Variants in HDAC9 observed in about 807,000 individuals in gnomAD.
HDAC9 encodes the protein MEF-2 interacting transcription repressor (MITR) protein.
A neutral mutation model predicts 139.4 loss-of-function variants in HDAC9; 41 were observed. That is an observed-to-expected ratio of 0.29 (90% CI 0.23 to 0.38). The LOEUF (loss-of-function observed/expected upper bound fraction) is 0.38, where lower values mean the gene tolerates loss of function less well. HDAC9 is among the 10% of genes least tolerant of loss of function. The pLI, the probability that HDAC9 is intolerant of heterozygous loss-of-function variation, is 1.00. For missense variants in HDAC9, 1,147 were observed against 1,297.0 expected, an observed-to-expected ratio of 0.88 and a Z score of 1.78; for synonymous variants, 517 against 476.2, an observed-to-expected ratio of 1.09 and a Z score of -1.12.
At chr7:18,458,198 C>G (rs780644837) in intron 1 of HDAC9, among the ~76,000 whole-genome samples, 2 of 152,082 alleles carry the variant, frequency 1.3e-5, no homozygotes, top group African/African-American at 2.4e-5. Flanking sequence ...GTAATTAAAT[C>G]GTGGATGGTT....
chr7:18,194,974 AT>A (rs1214154835), intron 2 of HDAC9, among the ~76,000 whole-genome samples: 9 of 151,704 alleles, frequency 5.9e-5, no homozygotes, highest in African/African-American at 1.9e-4. Flanking sequence ...TGTTCTTGGC[AT>A]TATAAGGAGG....
intron 1 of HDAC9, among the ~76,000 whole-genome samples, chr7:18,136,281 C>T (rs199741729): frequency 0.22 from 31,976 of 148,324 alleles, 3,503 homozygotes; most frequent in South Asian, 0.32. Context: ...GTAGTTTCTT[C>T]TGCTGTGCAG....
At chr7:18,280,234 T>C (rs113991015) in intron 2 of HDAC9, among the ~76,000 whole-genome samples, 3 of 152,244 alleles carry the variant, frequency 2.0e-5, no homozygotes, top group Non-Finnish European at 2.9e-5. Context: ...GAAGGATTGC[T>C]TGAGCTTAGG....
At chr7:18,861,468 G>A (rs758226517) in intron 21 of HDAC9, among the ~76,000 whole-genome samples, 6 of 152,106 alleles carry the variant, frequency 3.9e-5, no homozygotes, top group Admixed American at 6.5e-5. Flanking sequence ...CCCTATGCTT[G>A]CGTATAGGAT....
rs868333764 is a variant in HDAC9, at chr7:18,272,695, A to G, written c.25+110346A>G. ...AAATCAATGGAGAAATACTATTTTT[A>G]TGGATTGGATAAGTCAATGTTATAA... On this transcript the variant is annotated intron_variant, in intron 2 of 12. Transcript: ENST00000417496. Among the ~76,000 whole-genome samples the G allele has an allele frequency of 7.2e-5, 11 of 152,280 alleles. No homozygotes were observed. In the Middle Eastern group the frequency reaches 0.014, roughly 190 times the overall value.
intron 2 of HDAC9, among the ~76,000 whole-genome samples, chr7:18,583,332 T>C (rs1331279109): frequency 6.6e-6 from 1 of 152,110 alleles, no homozygotes; most frequent in African/African-American, 2.4e-5. Flanking sequence ...GTTACACACA[T>C]GAAAGAGTCA....
rs1391402923 is a variant in HDAC9, at chr7:18,374,229, A to ACT, written c.-42+83714_-42+83715insCT. Among the ~76,000 whole-genome samples, 1,317 of 151,800 alleles carry ACT rather than the reference A, an allele frequency of 8.7e-3. 24 individuals are homozygous for ACT. Among genetic ancestry groups the ACT allele is most frequent in the African/African-American group, 0.03 (1,245 of 41,398 alleles). ...TATATATATATATATACACACACAC[A>ACT]TATATAGGTACAGTTTAGAAGTTAT... On this transcript the variant is annotated intron_variant, in intron 1 of 3. Transcript: ENST00000413509.
chr7:18,174,795 C>T (rs965796591), intron 2 of HDAC9, among the ~76,000 whole-genome samples: 1 of 152,162 alleles, frequency 6.6e-6, no homozygotes, highest in African/African-American at 2.4e-5. Flanking sequence ...TGCAGAACAG[C>T]AAATATTGCT....
chr7:18,699,331 G>C (rs1783286061), intron 12 of HDAC9, among the ~76,000 whole-genome samples: 1 of 152,038 alleles, frequency 6.6e-6, no homozygotes, highest in African/African-American at 2.4e-5. Context: ...AAAGCACAGA[G>C]AGCAGTGTGG....
intron 6 of HDAC9, among the ~76,000 whole-genome samples, chr7:18,608,010 C>CTT (rs568677739): frequency 9.9e-4 from 150 of 152,128 alleles, no homozygotes; most frequent in African/African-American, 3.1e-3. Context: ...ATAATTAAGA[C>CTT]TTTAAAAGCA....
intron 1 of HDAC9, among the ~76,000 whole-genome samples, chr7:18,381,010 C>T (rs1236849266): frequency 1.3e-5 from 2 of 151,616 alleles, no homozygotes; most frequent in Admixed American, 6.6e-5. Context: ...CCAGCCAGGC[C>T]AACATGGAGA....
chr7:18,284,270 A>G (rs1202098484), intron 2 of HDAC9, among the ~76,000 whole-genome samples: 4 of 152,196 alleles, frequency 2.6e-5, no homozygotes, highest in Non-Finnish European at 5.9e-5. Context: ...TTTACAACAC[A>G]CATATGCACA....
intron 1 of HDAC9, among the ~76,000 whole-genome samples, chr7:18,124,065 AGC>A (rs1784513917): frequency 1.3e-5 from 2 of 152,166 alleles, no homozygotes; most frequent in Non-Finnish European, 2.9e-5. Context: ...CCTGACTCAC[AGC>A]CTGCCCCAAA....
At chr7:18,688,104 C>T (rs1782406569) in intron 12 of HDAC9, among the ~76,000 whole-genome samples, 2 of 151,610 alleles carry the variant, frequency 1.3e-5, no homozygotes, top group Admixed American at 1.3e-4. Context: ...TGAGCTATGT[C>T]TATATGTGTG....
chr7:18,909,119 TTTGAC>T (rs1802526094), intron 22 of HDAC9, among the ~76,000 whole-genome samples: 1 of 152,132 alleles, frequency 6.6e-6, no homozygotes, highest in Non-Finnish European at 1.5e-5. Flanking sequence ...TCATTGTGGA[TTTGAC>T]TTGCATTTTC....
intron 21 of HDAC9, among the ~76,000 whole-genome samples, chr7:18,866,310 C>T (rs1798492447): frequency 6.6e-6 from 1 of 151,996 alleles, no homozygotes; most frequent in Non-Finnish European, 1.5e-5. Context: ...ATTTGTTTTT[C>T]ACCTTAGTCC....
chr7:18,541,141 G>GTTTTTTTTT (rs10678670), intron 2 of HDAC9, among the ~76,000 whole-genome samples: 7 of 65,458 alleles, frequency 1.1e-4, no homozygotes, highest in Non-Finnish European at 1.5e-4. Context: ...AAGGAACCGT[G>GTTTTTTTTT]TTTTTTTTTT....
At chr7:18,523,253 G>A (rs1805659011) in intron 2 of HDAC9, among the ~76,000 whole-genome samples, 1 of 152,154 alleles carries the variant, frequency 6.6e-6, no homozygotes, top group Non-Finnish European at 1.5e-5. Flanking sequence ...AATACTTCTT[G>A]GAAAAGTAAC....
chr7:18,501,851 A>G (rs1349130711), intron 2 of HDAC9, among the ~76,000 whole-genome samples: 2 of 152,188 alleles, frequency 1.3e-5, no homozygotes, highest in Non-Finnish European at 2.9e-5. Flanking sequence ...GATTAATTGT[A>G]AGTAGTAGGT....
Sources: allele counts gnomAD v4.1 joint callset (sites outside exome capture counted in the v4.1 genomes callset), GRCh38; gene constraint gnomAD v4.1.1; transcripts MANE v1.5; gene names NCBI Gene and HGNC (gene_info 2026-07-23, HGNC 2026-07-21).